The following EBPL variants were observed in gnomAD, a reference collection of about 807,000 sequenced individuals.
EBPL encodes emopamil-binding protein-like.
A neutral mutation model predicts 19.0 loss-of-function variants in EBPL; 20 were observed. That is an observed-to-expected ratio of 1.05 (90% CI 0.74 to 1.53). The LOEUF is 1.53. Ranked by LOEUF, EBPL falls within the 40% of genes most tolerant of loss-of-function variation. The pLI, the probability that EBPL is intolerant of heterozygous loss-of-function variation, is 0.00. For synonymous variants in EBPL, 107 were observed against 117.0 expected (o/e 0.91, Z 0.55); for missense variants, 219 against 261.1 (o/e 0.84, Z 1.11).
At chr13:49,676,763 C>T (rs734223) in intron 1 of EBPL, among the ~76,000 whole-genome samples, 40,042 of 151,926 alleles carry the variant, frequency 0.26, 5,723 homozygotes, top group Non-Finnish European at 0.32. Flanking sequence ...TCCTTAAGGG[C>T]GGGGCAAGGT....
chr13:49,671,402 G>A (rs7321709), intron 1 of EBPL, among the ~76,000 whole-genome samples: 39,486 of 152,046 alleles, frequency 0.26, 5,586 homozygotes, highest in Non-Finnish European at 0.32. Flanking sequence ...GCCTCCCAAA[G>A]TGCTGGGATT....
intron 1 of EBPL, among the ~76,000 whole-genome samples, chr13:49,674,974 A>G (rs1953860725): frequency 6.6e-6 from 1 of 152,106 alleles, no homozygotes; most frequent in Non-Finnish European, 1.5e-5. Flanking sequence ...CTGATTCTCC[A>G]TTTCTTCCCT....
rs764386806 is a variant in EBPL, at chr13:49,679,982, C to G, written c.172-10136G>C. ...TCCACCTTTTGACAGAGTCGCTCAC[C>G]AATTTCCAGCCTTGAGCACAGCACT... is the stretch of plus-strand genomic sequence containing the variant. On this transcript the variant is annotated intron_variant, in intron 1 of 3. Coordinates refer to ENST00000242827, the MANE Select transcript of EBPL (RefSeq NM_032565.5). Among the ~76,000 whole-genome samples the G allele has an allele frequency of 7.2e-5, 11 of 152,284 alleles. No homozygotes were observed. In the South Asian group the frequency reaches 1.0e-3, roughly 14 times the overall value.
At chr13:49,686,214 C>T (rs1197340523) in intron 1 of EBPL, among the ~76,000 whole-genome samples, 1 of 152,234 alleles carries the variant, frequency 6.6e-6, no homozygotes, top group Non-Finnish European at 1.5e-5. Context: ...GAGCTGCCTG[C>T]CGCGTCTGCA....
chr13:49,690,081 C>T (rs575322222), intron 1 of EBPL, among the ~76,000 whole-genome samples: 2 of 147,542 alleles, frequency 1.4e-5, no homozygotes. Flanking sequence ...ACCCAAGGGG[C>T]GGAGGTTGCA....
At chr13:49,663,854 G>C (rs56165951) in intron 2 of EBPL, among the ~76,000 whole-genome samples, 24,776 of 151,888 alleles carry the variant, frequency 0.16, 2,224 homozygotes, top group South Asian at 0.25. Flanking sequence ...GAACCCAGGA[G>C]GCGGAGCTTG....
At chr13:49,676,387 C>T (rs1471161764) in intron 1 of EBPL, among the ~76,000 whole-genome samples, 2 of 152,124 alleles carry the variant, frequency 1.3e-5, no homozygotes, top group East Asian at 1.9e-4. Context: ...GTCAGGAGAT[C>T]GAGACCATCC....
rs377314968 is a variant in EBPL, at chr13:49,666,549, A to G, written c.241+3228T>C. On this transcript the variant is annotated intron_variant, in intron 2 of 3. Coordinates refer to ENST00000242827, the MANE Select transcript of EBPL (RefSeq NM_032565.5). ...AACATGGTGAAACCCTGTCTCTACT[A>G]AAAATACAAAAAATTAGCCAGGCGT... Among the ~76,000 whole-genome samples, 23 of 152,058 alleles carry G rather than the reference A, an allele frequency of 1.5e-4. No individual in the cohort carries two copies. The East Asian group carries it at 3.9e-3, about 26-fold the overall frequency.
At chr13:49,686,497 T>C in intron 1 of EBPL, 1 of 1,287,664 alleles carries the variant, frequency 7.8e-7, no homozygotes, top group Admixed American at 2.3e-5. Context: ...TTCTTTTTTT[T>C]TAATGGTGCT....
chr13:49,664,073 G>A (rs570330039), intron 2 of EBPL, among the ~76,000 whole-genome samples: 3 of 152,298 alleles, frequency 2.0e-5, no homozygotes, highest in Non-Finnish European at 2.9e-5. Flanking sequence ...CCAACATGGC[G>A]AAACCGTGTC....
At chr13:49,670,363 A>T (rs1418475295) in intron 1 of EBPL, among the ~76,000 whole-genome samples, 1 of 152,214 alleles carries the variant, frequency 6.6e-6, no homozygotes, top group East Asian at 1.9e-4. Flanking sequence ...TACATTTAAC[A>T]TTCAGGTAAT....
chr13:49,662,924 C>T, intron 3 of EBPL, 133 bp downstream of exon 3: 2 of 1,215,540 alleles, frequency 1.6e-6, no homozygotes, highest in East Asian at 2.6e-5. Flanking sequence ...GTGGGAGCCA[C>T]CGCGCCCAGC....
At chr13:49,680,065 T>C (rs532062884) in intron 1 of EBPL, among the ~76,000 whole-genome samples, 1 of 152,174 alleles carries the variant, frequency 6.6e-6, no homozygotes, top group South Asian at 2.1e-4. Context: ...GAGGCCCAGG[T>C]AGTGTCTGTC....
At position 49,663,161 on chromosome 13, in the gene EBPL, A is replaced by T; in HGVS notation, c.276T>A (p.Val92=). ...KEYGKADARW[V]YFDPTIVSVE... is the part of the protein sequence containing the mutation. ...CAGACACAATGGTTGGATCAAAATA[A>T]ACCCATCTTGCATCAGCTTTGCCAT... The change falls in exon 3 of 4, where the codon GTT becomes GTA. Residue 92 remains valine, a synonymous_variant. Transcript: ENST00000242827. 6.2e-7 allele frequency: 1 copy of T among 1,614,208 alleles called. No homozygotes were observed.
chr13:49,674,063 A>G (rs1953849615), intron 1 of EBPL, among the ~76,000 whole-genome samples: 2 of 152,058 alleles, frequency 1.3e-5, no homozygotes, highest in South Asian at 4.1e-4. Flanking sequence ...GTTATATTAT[A>G]CTATAGTTTT....
chr13:49,672,640 T>C (rs774165166), intron 1 of EBPL, among the ~76,000 whole-genome samples: 6 of 152,152 alleles, frequency 3.9e-5, no homozygotes, highest in Admixed American at 1.3e-4. Context: ...AAGAAATGAA[T>C]AGACATCTCA....
At chr13:49,676,600 T>A (rs1386315650) in intron 1 of EBPL, among the ~76,000 whole-genome samples, 5 of 92,106 alleles carry the variant, frequency 5.4e-5, no homozygotes, top group African/African-American at 1.5e-4. Context: ...TCAAAAAAAA[T>A]AAAATAAATA....
chr13:49,674,086 G>A (rs1953849950), intron 1 of EBPL, among the ~76,000 whole-genome samples: 1 of 151,730 alleles, frequency 6.6e-6, no homozygotes, highest in Admixed American at 6.6e-5. Context: ...AAAATTTTTG[G>A]TACCAAAATT....
chr13:49,677,962 G>A (rs1305494048), intron 1 of EBPL, among the ~76,000 whole-genome samples: 2 of 152,196 alleles, frequency 1.3e-5, no homozygotes, highest in Non-Finnish European at 2.9e-5. Flanking sequence ...CGGACCCAAA[G>A]ACTGAGCAGC....
Sources: gnomAD v4.1 joint callset for allele counts (sites outside exome capture counted in the v4.1 genomes callset) on GRCh38, gnomAD v4.1.1 for gene constraint, MANE v1.5 for transcripts, NCBI Gene and HGNC (gene_info 2026-07-23, HGNC 2026-07-21) for gene names.